TRAF7: variants seen among roughly 807,000 people sequenced by gnomAD.
The protein encoded by TRAF7 is E3 ubiquitin-protein ligase TRAF7.
TRAF7 carries 45 observed loss-of-function variants against 89.3 expected under a neutral mutation model. The observed-to-expected ratio is 0.50, with a 90% CI of 0.40 to 0.65. The LOEUF (loss-of-function observed/expected upper bound fraction) is 0.65. Ranked by LOEUF, TRAF7 falls within the 30% of genes least tolerant of loss-of-function variation. The pLI, the probability that TRAF7 is intolerant of heterozygous loss-of-function variation, is 0.00. For missense variants in TRAF7, 677 were observed against 918.1 expected, an observed-to-expected ratio of 0.74 and a Z score of 3.39; for synonymous variants, 406 against 369.2, an observed-to-expected ratio of 1.10 and a Z score of -1.14.
In TRAF7 at chr16:2,177,074, C is replaced by A; in HGVS notation, c.*500C>A. On this transcript the variant is annotated 3_prime_UTR_variant, in exon 21 of 21. Transcript: ENST00000326181. The stretch of plus-strand genomic sequence containing the variant: ...GTGGACCCCAGGACTTCGGCCCACT[C>A]CGGGGCCTCCCCTCCCTGCTAGGAG... 1 of 283,018 alleles carries A rather than the reference C, an allele frequency of 3.5e-6. No homozygotes were observed. Among genetic ancestry groups the A allele is most frequent in the South Asian group, 8.4e-5 (1 of 11,960 alleles). The allele number at this position is 283,018 out of a possible 1,614,324, so 17.5% of individuals were successfully genotyped here.
intron 3 of TRAF7, among the ~76,000 whole-genome samples, chr16:2,167,001 C>T (rs1596673163): frequency 6.6e-6 from 1 of 152,202 alleles, no homozygotes; most frequent in Admixed American, 6.5e-5. Flanking sequence ...ATAAACCTGG[C>T]CATGGGGTCA....
chr16:2,168,206 C>T lies in TRAF7; in HGVS notation c.231+38C>T. The T allele has an allele frequency of 1.9e-6, 3 of 1,552,798 alleles. No individual in the cohort carries two copies. Among genetic ancestry groups the T allele is most frequent in the Non-Finnish European group, 2.6e-6 (3 of 1,142,760 alleles). On this transcript the variant is annotated intron_variant, in intron 4 of 20. Coordinates refer to ENST00000326181, the MANE Select transcript of TRAF7 (RefSeq NM_032271.3). The surrounding 1 kb of genome is among the most constrained non-coding windows in gnomAD (Gnocchi z 4.1). ...CCCCAGGAGCCCGTGTGAGCCTCAGCCTCCCCCCATCCTCCCTCCTGGGGG... is the reference window on the plus strand; with the variant it reads ...CCCCAGGAGCCCGTGTGAGCCTCAGTCTCCCCCCATCCTCCCTCCTGGGGG...
At chr16:2,169,488 G>A (rs1012170019) in intron 4 of TRAF7, among the ~76,000 whole-genome samples, 45 of 152,074 alleles carry the variant, frequency 3.0e-4, no homozygotes, top group Admixed American at 6.5e-5. Context: ...TTCAAGAGAG[G>A]CGGGTACCTT....
At chr16:2,164,182 A>T (rs1180563004) in intron 2 of TRAF7, among the ~76,000 whole-genome samples, 181 bp downstream of exon 2, 1 of 101,672 alleles carries the variant, frequency 9.8e-6, no homozygotes, top group Non-Finnish European at 2.0e-5. Context: ...GCGCGCGCGC[A>T]CGCGTGCGTG....
intron 4 of TRAF7, 102 bp from the exon 5 acceptor site, chr16:2,170,512 G>A: frequency 1.2e-6 from 1 of 821,382 alleles, no homozygotes; most frequent in Non-Finnish European, 2.0e-6. Context: ...GGTGGCCCCA[G>A]GGGTGCTGCT....
chr16:2,170,139 C>T (rs1278581607), intron 4 of TRAF7, among the ~76,000 whole-genome samples: 1 of 152,150 alleles, frequency 6.6e-6, no homozygotes, highest in Admixed American at 6.5e-5. Flanking sequence ...GGCCTGGTGT[C>T]CCCCACCAGC....
Position 2,163,954 on chromosome 16 carries a change from T to G in TRAF7, c.34T>G (p.Phe12Val). The change falls in exon 2 of 21, where the codon TTC becomes GTC. Residue 12 changes from phenylalanine (F) to valine (V), a missense_variant. Around this residue, in one of 6 missense-constraint regions of TRAF7, gnomAD observed 240 missense variants for 191.9 expected, o/e 1.25. Transcript: ENST00000326181. The surrounding 1 kb of genome is among the most constrained non-coding windows in gnomAD (Gnocchi z 4.3). The stretch of plus-strand genomic sequence containing the variant: ...AGGCAAGAGTGCCCGCTACAACCGC[T>G]TCTCCGGGGGGCCCAGCAATCTTCC... ...SSGKSARYNRFSGGPSNLPTP... is the reference protein window; with the variant it reads ...SSGKSARYNRVSGGPSNLPTP... 6.2e-7 allele frequency: 1 copy of G among 1,612,870 alleles called. No homozygotes were observed. Among genetic ancestry groups the G allele is most frequent in the Non-Finnish European group, 8.5e-7 (1 of 1,179,776 alleles).
chr16:2,174,372 C>T, intron 14 of TRAF7, 39 bp downstream of exon 14: 1 of 1,599,926 alleles, frequency 6.3e-7, no homozygotes, highest in East Asian at 2.2e-5. Flanking sequence ...ATTCCCAGGA[C>T]AGGAGACGTG....
At chr16:2,175,717 T>C (rs2141296245) in intron 17 of TRAF7, 95 bp downstream of exon 17, 2 of 1,587,782 alleles carry the variant, frequency 1.3e-6, no homozygotes, top group Non-Finnish European at 1.7e-6. Flanking sequence ...GTTCCTACCT[T>C]CGCACATCCC....
rs1268337208 is a variant in TRAF7 at position 2,177,677 on chromosome 16, G to C, written c.*1103G>C. 2 of 242,304 alleles carry C rather than the reference G, an allele frequency of 8.3e-6. No individual in the cohort carries two copies. Among genetic ancestry groups the C allele is most frequent in the Non-Finnish European group, 1.6e-5 (2 of 123,196 alleles). 15.0% of individuals were successfully genotyped at this position (242,304 alleles called of 1,614,324 possible). On this transcript the variant is annotated 3_prime_UTR_variant, in exon 21 of 21. Transcript: ENST00000326181. ...AGAGGAGCTGCAAGCCCGTGGCCTGGCCTGCTACATGCCCTGCTTCCACGT... is the reference window on the plus strand; with the variant it reads ...AGAGGAGCTGCAAGCCCGTGGCCTGCCCTGCTACATGCCCTGCTTCCACGT...
intron 1 of TRAF7, among the ~76,000 whole-genome samples, chr16:2,156,919 G>A (rs1596664141): frequency 6.6e-6 from 1 of 152,108 alleles, no homozygotes; most frequent in Non-Finnish European, 1.5e-5. Flanking sequence ...GGGTCCTGCT[G>A]TCAAGATACG....
At chr16:2,174,077 A>G in intron 13 of TRAF7, 29 bp downstream of exon 13, 1 of 1,611,014 alleles carries the variant, frequency 6.2e-7, no homozygotes, top group Non-Finnish European at 8.5e-7. Context: ...CAGTCTCTGC[A>G]GCCTGGCTGG....
At chr16:2,175,029 G>A in intron 14 of TRAF7, 82 bp from the exon 15 acceptor site, 1 of 1,566,538 alleles carries the variant, frequency 6.4e-7, no homozygotes, top group South Asian at 1.1e-5. Context: ...CTGATGGCTG[G>A]CATGGACCTC....
At chr16:2,165,433 G>C (rs1483816547) in intron 2 of TRAF7, among the ~76,000 whole-genome samples, 3 of 133,558 alleles carry the variant, frequency 2.2e-5, no homozygotes, top group Non-Finnish European at 4.7e-5. Flanking sequence ...GCATGGTTAA[G>C]CGTGTTAGTG....
chr16:2,173,589 G>A, intron 11 of TRAF7, 35 bp downstream of exon 11: 2 of 1,607,176 alleles, frequency 1.2e-6, no homozygotes, highest in Non-Finnish European at 1.7e-6. Context: ...TGGGTTGTGA[G>A]ACCCGGGGAG....
At chr16:2,160,502 C>T (rs1204100288) in intron 1 of TRAF7, among the ~76,000 whole-genome samples, 8 of 87,440 alleles carry the variant, frequency 9.1e-5, no homozygotes, top group African/African-American at 1.4e-4. Flanking sequence ...AGGTGTGGAC[C>T]GGCGGGCGGT....
rs141784925 is a variant in TRAF7 at position 2,172,342 on chromosome 16, G to A, written c.627G>A (p.Gly209=). The change falls in exon 8 of 21, where the codon GGG becomes GGA. Residue 209 remains glycine, a synonymous_variant. Coordinates refer to ENST00000326181, the MANE Select transcript of TRAF7 (RefSeq NM_032271.3). ...CCATCTTTGAGGTGGACCCCCGAGG[G>A]TGCCCCTTCACCATCAAGCTCAGCG... ...KPPIFEVDPR[G]CPFTIKLSAR... is the part of the protein sequence containing the mutation. 103 of 1,612,146 alleles carry A rather than the reference G, an allele frequency of 6.4e-5. No homozygotes were observed. Among genetic ancestry groups the A allele is most frequent in the Non-Finnish European group, 8.4e-5 (99 of 1,179,882 alleles).
chr16:2,174,813 G>A (rs2093128733), intron 14 of TRAF7, among the ~76,000 whole-genome samples: 1 of 152,246 alleles, frequency 6.6e-6, no homozygotes, highest in Non-Finnish European at 1.5e-5. Flanking sequence ...CTTTCAGGAG[G>A]CGGCAGCTTG....
Position 2,158,780 on chromosome 16 carries a change from G to A in TRAF7, c.-39+2922G>A, listed in dbSNP as rs1405047464. On this transcript the variant is annotated intron_variant, in intron 1 of 20. Coordinates refer to ENST00000326181, the MANE Select transcript of TRAF7 (RefSeq NM_032271.3). This position sits in a 1 kb window ranked among gnomAD's most constrained non-coding sequence, Gnocchi z 4.7. ...AGCGTGGGCTCGGCGGGGGGGGGGG[G>A]GACACTGCCACCCTTGGCTCTTGGG... Among the ~76,000 whole-genome samples, 3 of 150,536 alleles carry A rather than the reference G, an allele frequency of 2.0e-5. No individual in the cohort carries two copies. Among genetic ancestry groups the A allele is most frequent in the African/African-American group, 7.3e-5 (3 of 40,920 alleles).
Sources: gnomAD v4.1 joint callset for allele counts (sites outside exome capture counted in the v4.1 genomes callset) on GRCh38, gnomAD v4.1.1 for gene constraint, gnomAD v4.1.1 regional missense constraint, Gnocchi (gnomAD v3.1) non-coding constraint, MANE v1.5 for transcripts, NCBI Gene and HGNC (gene_info 2026-07-23, HGNC 2026-07-21) for gene names.